The following MOV10L1 variants were observed in gnomAD, a reference collection of about 807,000 sequenced individuals.
The protein encoded by MOV10L1 is RNA helicase Mov10l1.
MOV10L1 carries 110 observed loss-of-function variants against 143.8 expected under a neutral mutation model. That is an observed-to-expected ratio of 0.76 (90% CI 0.66 to 0.90). The LOEUF is 0.90. MOV10L1 is among the 40% of genes least tolerant of loss of function. MOV10L1 has a pLI of 0.00. For missense variants in MOV10L1, 1,406 were observed against 1,526.8 expected, an observed-to-expected ratio of 0.92 and a Z score of 1.32; for synonymous variants, 593 against 581.1, an observed-to-expected ratio of 1.02 and a Z score of -0.29.
chr22:50,148,464 G>A (rs973812880), intron 19 of MOV10L1, among the ~76,000 whole-genome samples: 5 of 152,028 alleles, frequency 3.3e-5, no homozygotes, highest in South Asian at 2.1e-4. Flanking sequence ...ACTCCTTCCC[G>A]CAAAATCCCC....
intron 19 of MOV10L1, chr22:50,147,035 GTGT>G: frequency 6.5e-7 from 1 of 1,550,188 alleles, no homozygotes; most frequent in African/African-American, 1.4e-5. Context: ...TTGTTAATGT[GTGT>G]TGATGAGTCA....
chr22:50,092,148 A>G lies in MOV10L1; in HGVS notation c.245A>G (p.Glu82Gly), dbSNP rs1281452411. 1 of 1,614,056 alleles carries G rather than the reference A, an allele frequency of 6.2e-7. No individual in the cohort carries two copies. The highest frequency in any genetic ancestry group is 8.5e-7 in the Non-Finnish European group (1 of 1,180,028). ...NVGQEVIAVV[E>G]ENKVSNGLKA... Reference sequence around the variant, plus strand: ...GGACAGGAAGTGATTGCAGTTGTGGAAGAAAATAAAGTGTCCAATGGACTG... The same window carrying G: ...GGACAGGAAGTGATTGCAGTTGTGGGAGAAAATAAAGTGTCCAATGGACTG... Residue 82 changes from glutamate to glycine, a missense_variant, in exon 2 of 27, where the codon GAA becomes GGA. By Grantham distance (98) the Glu-to-Gly change is moderately conservative. Around this residue, in one of 3 missense-constraint regions of MOV10L1, gnomAD observed 166 missense variants for 153.9 expected, o/e 1.08. Transcript: ENST00000262794.
chr22:50,142,265 G>A (rs147783434), intron 16 of MOV10L1, 76 bp downstream of exon 16: 1 of 1,216,268 alleles, frequency 8.2e-7, no homozygotes, highest in Admixed American at 2.3e-5. Context: ...TGAGGAGTGG[G>A]CTCTCATGCA....
intron 2 of MOV10L1, among the ~76,000 whole-genome samples, chr22:50,098,663 T>C (rs1164474164): frequency 6.6e-6 from 1 of 152,254 alleles, no homozygotes; most frequent in African/African-American, 2.4e-5. Context: ...TTTAGAGTTT[T>C]CCACAGATGA....
intron 3 of MOV10L1, among the ~76,000 whole-genome samples, chr22:50,099,846 G>T (rs2062692616): frequency 6.6e-6 from 1 of 152,140 alleles, no homozygotes; most frequent in African/African-American, 2.4e-5. Context: ...ACATTGAAGG[G>T]ATCAGTTTTG....
At chr22:50,094,861 A>G (rs1428769796) in intron 2 of MOV10L1, 2 of 152,158 alleles carry the variant, frequency 1.3e-5, no homozygotes, top group African/African-American at 2.4e-5. Flanking sequence ...AATAATTCAA[A>G]GTCTAGAATT....
chr22:50,154,492 C>T (rs1432465270), intron 22 of MOV10L1, among the ~76,000 whole-genome samples: 1 of 151,932 alleles, frequency 6.6e-6, no homozygotes, highest in African/African-American at 2.4e-5. Context: ...TGCTTGAGCC[C>T]AGGAGATTGA....
intron 18 of MOV10L1, among the ~76,000 whole-genome samples, chr22:50,145,132 G>T (rs531236697): frequency 1.3e-5 from 2 of 152,102 alleles, no homozygotes; most frequent in South Asian, 4.2e-4. Flanking sequence ...AGTAGAGACA[G>T]GGTTTCACCA....
rs556251526 is a variant in MOV10L1 at position 50,108,824 on chromosome 22, T to A, written c.723T>A (p.Cys241Ter). Residue 241 changes from cysteine to a stop codon, truncating the protein, a stop_gained, in exon 5 of 27, where the codon TGT (cysteine) becomes TGA (stop). Transcript: ENST00000262794. LOFTEE classifies it high-confidence loss of function. Reference protein sequence around the residue: ...SQSCYVWRALCMTLVKRRDAA... With the variant: ...SQSCYVWRAL Reference sequence around the variant, plus strand: ...CATGCTATGTCTGGAGGGCACTTTGTATGACCCTAGTGAAGAGGCGGTAAG... The same window carrying A: ...CATGCTATGTCTGGAGGGCACTTTGAATGACCCTAGTGAAGAGGCGGTAAG... 6.2e-7 allele frequency: 1 copy of A among 1,614,144 alleles called. No homozygotes were observed.
intron 24 of MOV10L1, among the ~76,000 whole-genome samples, chr22:50,160,299 T>A (rs1051762405): frequency 2.0e-5 from 3 of 147,972 alleles, no homozygotes; most frequent in African/African-American, 7.5e-5. Context: ...CAGGCTGGAG[T>A]GCAGTGGCGC....
chr22:50,151,409 C>T (rs2063294161), intron 21 of MOV10L1, among the ~76,000 whole-genome samples: 1 of 152,234 alleles, frequency 6.6e-6, no homozygotes, highest in Admixed American at 6.5e-5. Context: ...AAAACAGTCT[C>T]CATCTGATTC....
chr22:50,124,669 G>A (rs543532738), intron 10 of MOV10L1, among the ~76,000 whole-genome samples: 1 of 152,222 alleles, frequency 6.6e-6, no homozygotes, highest in Non-Finnish European at 1.5e-5. Flanking sequence ...GGGTTTTGCA[G>A]GATGGTGTCT....
intron 10 of MOV10L1, among the ~76,000 whole-genome samples, chr22:50,120,955 T>G (rs1001245581): frequency 1.3e-5 from 2 of 152,182 alleles, no homozygotes; most frequent in African/African-American, 4.8e-5. Context: ...GCAAGAAGTG[T>G]TCTAGCCTTT....
At chr22:50,161,297 G>GA in intron 26 of MOV10L1, 71 bp from the exon 27 acceptor site, 1 of 1,314,674 alleles carries the variant, frequency 7.6e-7, no homozygotes, top group Non-Finnish European at 1.0e-6. Flanking sequence ...CCCACATTGG[G>GA]AAAAGAGTGC....
At position 50,160,985 on chromosome 22, in the gene MOV10L1, C is replaced by A. The variant is rs2063546432; in HGVS notation, c.3484C>A (p.Leu1162Met). 1 of 1,614,026 alleles carries A rather than the reference C, an allele frequency of 6.2e-7. No homozygotes were observed. The highest frequency in any genetic ancestry group is 1.1e-5 in the South Asian group (1 of 91,088). Residue 1162 changes from leucine (L) to methionine (M), a missense_variant, in exon 26 of 27, where the codon CTG becomes ATG. By Grantham distance (15) the Leu-to-Met change is conservative. Transcript: ENST00000262794. Reference sequence around the variant, plus strand: ...ACAGGACCCCTGTTTTGGTGCTTTGCTGGAATACAGTATTACAAACGGTGT... The same window carrying A: ...ACAGGACCCCTGTTTTGGTGCTTTGATGGAATACAGTATTACAAACGGTGT... ...LVRDPCFGALLEYSITNGVYM... is the reference protein window; with the variant it reads ...LVRDPCFGALMEYSITNGVYM...
In MOV10L1 at chr22:50,159,859, C is replaced by A; in HGVS notation, c.3324+74C>A. ...CCTGGGGGTTCTGGGGGCTTCAGAT[C>A]TAAAGGGGCAGAGGCTGATTCCCAG... On this transcript the variant is annotated intron_variant, in intron 24 of 26. Coordinates refer to ENST00000262794, the MANE Select transcript of MOV10L1 (RefSeq NM_018995.3). The surrounding 1 kb of genome is among the most constrained non-coding windows in gnomAD (Gnocchi z 4.1). 6 of 1,008,994 alleles carry A rather than the reference C, an allele frequency of 5.9e-6. No homozygotes were observed. Among genetic ancestry groups the A allele is most frequent in the Admixed American group, 2.0e-5 (1 of 49,666 alleles). The allele number at this position is 1,008,994 out of a possible 1,614,324, so 62.5% of individuals were successfully genotyped here.
At chr22:50,135,045 G>A (rs1254210188) in intron 15 of MOV10L1, among the ~76,000 whole-genome samples, 1 of 148,032 alleles carries the variant, frequency 6.8e-6, no homozygotes, top group South Asian at 2.2e-4. Context: ...ACAGAGTCTC[G>A]CTCTGTCACC....
chr22:50,127,690 A>G (rs1276312145), intron 12 of MOV10L1, among the ~76,000 whole-genome samples: 1 of 152,206 alleles, frequency 6.6e-6, no homozygotes. Flanking sequence ...TGTCTAGGAA[A>G]GAATATGCAG....
chr22:50,130,719 G>A (rs879447009), intron 13 of MOV10L1, among the ~76,000 whole-genome samples: 5 of 152,168 alleles, frequency 3.3e-5, no homozygotes, highest in Admixed American at 6.5e-5. Flanking sequence ...GAGCAGCAGC[G>A]CTGGTAGAAG....
Sources: allele counts gnomAD v4.1 joint callset (sites outside exome capture counted in the v4.1 genomes callset), GRCh38; gene constraint gnomAD v4.1.1; regional missense constraint gnomAD v4.1.1; non-coding constraint Gnocchi (gnomAD v3.1); transcripts MANE v1.5; gene names NCBI Gene and HGNC (gene_info 2026-07-23, HGNC 2026-07-21).